ZMYM6: variants seen among roughly 807,000 people sequenced by gnomAD.
ZMYM6 encodes zinc finger MYM-type protein 6.
ZMYM6 carries 90 observed loss-of-function variants against 134.0 expected under a neutral mutation model. The ratio of observed to expected loss-of-function variants is 0.67; its 90% CI spans 0.57 to 0.80. The LOEUF is 0.80. ZMYM6 is among the 30% of genes least tolerant of loss of function. The pLI is 0.00. For synonymous variants in ZMYM6, 481 were observed against 524.1 expected, an observed-to-expected ratio of 0.92 and a Z score of 1.12; for missense variants, 1,362 against 1,533.9, an observed-to-expected ratio of 0.89 and a Z score of 1.87.
intron 15 of ZMYM6, 152 bp from the exon 16 acceptor site, chr1:34,989,087 T>C: frequency 1.4e-6 from 2 of 1,431,476 alleles, no homozygotes; most frequent in Non-Finnish European, 1.8e-6. Context: ...GTCATAATAC[T>C]TCCAATGATG....
At position 34,995,015 on chromosome 1, in the gene ZMYM6, TTACA is replaced by T. The variant is rs1351906192; in HGVS notation, c.1993-2632_1993-2629del. 7.8e-5 allele frequency among the ~76,000 whole-genome samples: 9 copies of T among 114,820 alleles called. No homozygotes were observed. The East Asian group carries it at 8.1e-4, about 10-fold the overall frequency. 75.3% of individuals were successfully genotyped at this position (114,820 alleles called of 152,430 possible). ...TATGTATATATGTATACATATATAC[TTACA>T]TACGTATATATATGTAATATATATA... On this transcript the variant is annotated intron_variant, in intron 14 of 15. Transcript: ENST00000357182.
chr1:35,030,597 G>A lies in ZMYM6; in HGVS notation c.43C>T (p.Pro15Ser). Residue 15 changes from proline to serine, a missense_variant, in exon 2 of 16, where the codon CCA becomes TCA. Coordinates refer to ENST00000357182, the MANE Select transcript of ZMYM6 (RefSeq NM_007167.4). ...LDGECGKAVV[P>S]QQELLDKIKE... ...ATTTTGTCCAGAAGCTCCTGCTGTG[G>A]TACCACTGCTTTGCCACATTCACCA... 1 of 1,613,732 alleles carries A rather than the reference G, an allele frequency of 6.2e-7. No individual in the cohort carries two copies. The highest frequency in any genetic ancestry group is 8.5e-7 in the Non-Finnish European group (1 of 1,179,982).
intron 4 of ZMYM6, among the ~76,000 whole-genome samples, chr1:35,016,916 G>T (rs1020320764): frequency 1.3e-5 from 2 of 151,060 alleles, no homozygotes; most frequent in African/African-American, 4.9e-5. Context: ...GAGGTGGGAG[G>T]ATTGCTTGAG....
chr1:34,995,128 CAT>C (rs1350939665), intron 14 of ZMYM6, among the ~76,000 whole-genome samples: 1 of 141,492 alleles, frequency 7.1e-6, no homozygotes, highest in African/African-American at 2.7e-5. Context: ...TATACATATA[CAT>C]ATATACACAC....
intron 12 of ZMYM6, among the ~76,000 whole-genome samples, chr1:35,006,065 T>C (rs749447136): frequency 2.0e-5 from 3 of 152,132 alleles, no homozygotes; most frequent in African/African-American, 4.8e-5. Flanking sequence ...TGGAGTGCCA[T>C]GGCATGATCT....
chr1:35,014,853 A>G lies in ZMYM6; in HGVS notation c.639T>C (p.His213=), dbSNP rs561493000. ...RFEVKYQNVV[H]GLCSDACFSK... is the part of the protein sequence containing the mutation. Reference sequence around the variant, plus strand: ...AAAAACAGGCATCACTACAAAGACCATGTACCACATTTTGATATTTAACTT... The same window carrying G: ...AAAAACAGGCATCACTACAAAGACCGTGTACCACATTTTGATATTTAACTT... Residue 213 remains histidine, a synonymous_variant, in exon 6 of 16, where the codon CAT becomes CAC. Transcript: ENST00000357182. The G allele has an allele frequency of 2.5e-5, 41 of 1,614,226 alleles. 1 individual carries two copies. In the South Asian group the frequency reaches 4.3e-4, roughly 17 times the overall value.
At chr1:35,004,547 T>C (rs1158469353) in intron 13 of ZMYM6, among the ~76,000 whole-genome samples, 1 of 151,750 alleles carries the variant, frequency 6.6e-6, no homozygotes, top group Non-Finnish European at 1.5e-5. Flanking sequence ...AGGCGGAGGT[T>C]GCAGTGAGCC....
intron 14 of ZMYM6, among the ~76,000 whole-genome samples, chr1:34,994,584 A>T (rs1039956398): frequency 7.2e-5 from 11 of 152,140 alleles, no homozygotes; most frequent in Non-Finnish European, 1.6e-4. Flanking sequence ...TCAGTCAAAA[A>T]CAAAATTAGG....
intron 2 of ZMYM6, among the ~76,000 whole-genome samples, chr1:35,022,249 A>C (rs753479583): frequency 3.9e-5 from 6 of 152,174 alleles, no homozygotes; most frequent in Non-Finnish European, 7.4e-5. Context: ...ACAGATGGGA[A>C]TCAAACCCAG....
chr1:34,991,707 T>TTA (rs1485388950), intron 15 of ZMYM6, among the ~76,000 whole-genome samples: 7 of 151,788 alleles, frequency 4.6e-5, no homozygotes, highest in Admixed American at 2.0e-4. Flanking sequence ...GAGGCAGAGG[T>TTA]TATAGGGAGC....
intron 14 of ZMYM6, among the ~76,000 whole-genome samples, chr1:34,996,637 C>T (rs912093234): frequency 7.2e-5 from 11 of 152,152 alleles, no homozygotes; most frequent in African/African-American, 2.7e-4. Context: ...TCTTTTTTCA[C>T]TTATGATATT....
rs1185954625 is a variant in ZMYM6 at position 34,987,064 on chromosome 1, A to T, written c.*40T>A. 1.5e-6 allele frequency: 2 copies of T among 1,350,914 alleles called. No homozygotes were observed. The highest frequency in any genetic ancestry group is 3.0e-5 in the African/African-American group (2 of 67,796). 83.7% of individuals were successfully genotyped at this position (1,350,914 alleles called of 1,614,324 possible). A position where few individuals can be genotyped will look rare whatever the true frequency, so the allele number is the denominator to read the frequency against. On this transcript the variant is annotated 3_prime_UTR_variant, in exon 16 of 16. Transcript: ENST00000357182. ...TTAGGATACTTATACAAAACTTAAC[A>T]CAGGATTATTGACTTCACTGTTAAG...
chr1:34,998,462 G>A (rs1640825179), intron 14 of ZMYM6, among the ~76,000 whole-genome samples: 1 of 152,152 alleles, frequency 6.6e-6, no homozygotes, highest in African/African-American at 2.4e-5. Context: ...TTTTTGAGCG[G>A]AGGAATGACA....
At chr1:34,991,629 G>A (rs1640675208) in intron 15 of ZMYM6, among the ~76,000 whole-genome samples, 1 of 152,100 alleles carries the variant, frequency 6.6e-6, no homozygotes, top group African/African-American at 2.4e-5. Context: ...AATTAGCCGG[G>A]CATGGTGGCA....
At chr1:35,022,741 G>C (rs1276668834) in intron 2 of ZMYM6, among the ~76,000 whole-genome samples, 1 of 151,274 alleles carries the variant, frequency 6.6e-6, no homozygotes, top group East Asian at 1.9e-4. Context: ...TGCTTATTTG[G>C]ATAATTTGAT....
intron 2 of ZMYM6, among the ~76,000 whole-genome samples, chr1:35,021,825 A>C (rs937049635): frequency 1.3e-5 from 2 of 152,232 alleles, no homozygotes. Context: ...GTTTTAAAAC[A>C]AAATGTAATC....
chr1:35,002,222 G>A (rs1461332697), intron 14 of ZMYM6, among the ~76,000 whole-genome samples: 7 of 152,176 alleles, frequency 4.6e-5, no homozygotes, highest in African/African-American at 1.4e-4. Context: ...CAGGAACTCT[G>A]TGCAAATCTA....
intron 2 of ZMYM6, among the ~76,000 whole-genome samples, chr1:35,021,911 C>A (rs1011269327): frequency 6.6e-6 from 1 of 151,966 alleles, no homozygotes; most frequent in African/African-American, 2.4e-5. Flanking sequence ...TGTTAAAATA[C>A]CCTTACATAT....
rs1641286629 is a variant in ZMYM6, at chr1:35,020,482, AG to A, written c.94-16del. The A allele has an allele frequency of 1.3e-6, 2 of 1,546,174 alleles. No homozygotes were observed. Among genetic ancestry groups the A allele is most frequent in the South Asian group, 1.2e-5 (1 of 83,154 alleles). On this transcript the variant is annotated splice_polypyrimidine_tract_variant and intron_variant, in intron 2 of 15. Transcript: ENST00000357182. ...CATCCATACTCCTTTAAAAAAAAAAAGAAAAGAGAAAAGAGCAATGAATACA... is the reference window on the plus strand; with the variant it reads ...CATCCATACTCCTTTAAAAAAAAAAAAAAAGAGAAAAGAGCAATGAATACA...
Sources: gnomAD v4.1 joint callset for allele counts (sites outside exome capture counted in the v4.1 genomes callset) on GRCh38, gnomAD v4.1.1 for gene constraint, MANE v1.5 for transcripts, NCBI Gene and HGNC (gene_info 2026-07-23, HGNC 2026-07-21) for gene names.